Variants in NCALD observed in about 807,000 individuals in gnomAD.
NCALD encodes neurocalcin-delta.
In NCALD, 10 loss-of-function variants were observed where a neutral mutation model predicts 18.6. That is an observed-to-expected ratio of 0.54 (90% confidence interval 0.33 to 0.91). NCALD has a LOEUF of 0.91. Among genes scored for constraint, NCALD ranks in the 40% least tolerant of loss-of-function variants. The pLI, the probability that NCALD is intolerant of heterozygous loss-of-function variation, is 0.03. For missense variants in NCALD, 184 were observed against 247.6 expected, an observed-to-expected ratio of 0.74 and a Z score of 1.72; for synonymous variants, 88 against 87.4, an observed-to-expected ratio of 1.01 and a Z score of -0.04.
At chr8:101,815,681 T>C (rs1813469597) in intron 4 of NCALD, among the ~76,000 whole-genome samples, 1 of 152,110 alleles carries the variant, frequency 6.6e-6, no homozygotes, top group Admixed American at 6.6e-5. Context: ...CAACAGAAAC[T>C]CTCATTCACT....
At chr8:102,016,273 G>C (rs1216525955) in intron 2 of NCALD, among the ~76,000 whole-genome samples, 1 of 152,130 alleles carries the variant, frequency 6.6e-6, no homozygotes, top group Non-Finnish European at 1.5e-5. Flanking sequence ...ACAAGGCAAA[G>C]GTTGGCTGCC....
At chr8:101,824,612 C>T (rs1813856525) in intron 4 of NCALD, among the ~76,000 whole-genome samples, 1 of 151,988 alleles carries the variant, frequency 6.6e-6, no homozygotes, top group Admixed American at 6.6e-5. Flanking sequence ...AATTGAGTGA[C>T]TACTATTTTT....
intron 4 of NCALD, among the ~76,000 whole-genome samples, chr8:101,801,412 T>A (rs1441170908): frequency 6.7e-6 from 1 of 149,126 alleles, no homozygotes; most frequent in East Asian, 1.9e-4. Flanking sequence ...AAAATACACA[T>A]TTTTTTTTCA....
chr8:102,023,903 C>G (rs1467835012), intron 1 of NCALD, among the ~76,000 whole-genome samples: 2 of 152,126 alleles, frequency 1.3e-5, no homozygotes, highest in Non-Finnish European at 2.9e-5. Flanking sequence ...CTCAAGAATG[C>G]CCCAACCATA....
chr8:102,064,756 C>T (rs1823950518), intron 1 of NCALD, among the ~76,000 whole-genome samples: 1 of 152,030 alleles, frequency 6.6e-6, no homozygotes, highest in African/African-American at 2.4e-5. Context: ...AATCACATAC[C>T]ACACAGGAAT....
intron 1 of NCALD, among the ~76,000 whole-genome samples, chr8:102,078,350 C>T (rs1013535070): frequency 6.6e-6 from 1 of 152,148 alleles, no homozygotes; most frequent in African/African-American, 2.4e-5. Context: ...CCTACTCTTG[C>T]CCCTCTACAT....
intron 4 of NCALD, among the ~76,000 whole-genome samples, chr8:101,857,719 A>G (rs184467552): frequency 6.6e-6 from 1 of 152,330 alleles, no homozygotes; most frequent in East Asian, 1.9e-4. Flanking sequence ...TTCAGCATCA[A>G]TGATTAATTC....
chr8:101,940,918 C>T (rs1286288356), intron 2 of NCALD, among the ~76,000 whole-genome samples: 1 of 152,066 alleles, frequency 6.6e-6, no homozygotes. Flanking sequence ...AACCCACCGT[C>T]AAAGCTATAA....
intron 4 of NCALD, among the ~76,000 whole-genome samples, chr8:101,837,470 G>A (rs1275976808): frequency 1.3e-5 from 2 of 152,088 alleles, no homozygotes; most frequent in East Asian, 1.9e-4. Flanking sequence ...TAAGCAAAAC[G>A]TGTTTCCAGA....
Position 101,787,466 on chromosome 8 carries a change from CAGTG to C in NCALD, c.-20+3392_-20+3395del, listed in dbSNP as rs139944714. On this transcript the variant is annotated intron_variant, in intron 1 of 3. Transcript: ENST00000220931. ...TAGCTCCCATTCTCTTACGCGGAGA[CAGTG>C]GGTGTTGATGTCATAGAAAGGATGA... 7.5e-3 allele frequency among the ~76,000 whole-genome samples: 1,147 copies of C among 152,250 alleles called. 8 individuals carry two copies. Among genetic ancestry groups the C allele is most frequent in the Middle Eastern group, 0.041 (12 of 294 alleles).
chr8:101,701,354 T>C (rs769732913), intron 2 of NCALD, among the ~76,000 whole-genome samples: 4 of 152,188 alleles, frequency 2.6e-5, no homozygotes, highest in Admixed American at 2.0e-4. Context: ...ACTTTATTTT[T>C]AGCAATGTCA....
chr8:101,957,815 G>A (rs1819693118), intron 2 of NCALD, among the ~76,000 whole-genome samples: 1 of 152,140 alleles, frequency 6.6e-6, no homozygotes, highest in African/African-American at 2.4e-5. Flanking sequence ...AGAAAAACTG[G>A]GAGATTTCAG....
At chr8:101,809,553 A>G (rs528911261) in intron 4 of NCALD, among the ~76,000 whole-genome samples, 74 of 152,102 alleles carry the variant, frequency 4.9e-4, no homozygotes, top group Non-Finnish European at 8.7e-4. Context: ...TTTAATTTCT[A>G]TTTATTTATT....
At chr8:101,965,368 T>G (rs1049312093) in intron 2 of NCALD, among the ~76,000 whole-genome samples, 1 of 152,176 alleles carries the variant, frequency 6.6e-6, no homozygotes, top group African/African-American at 2.4e-5. Flanking sequence ...CCAACCCAAA[T>G]GCCCATCACT....
At chr8:101,866,048 C>G (rs1815757734) in intron 4 of NCALD, among the ~76,000 whole-genome samples, 2 of 152,108 alleles carry the variant, frequency 1.3e-5, no homozygotes, top group Admixed American at 1.3e-4. Flanking sequence ...GATAGCCAGG[C>G]TAGAGTTGTT....
rs769845791 is a variant in NCALD, at chr8:102,119,681, A to G, written c.-210+4556T>C. On this transcript the variant is annotated intron_variant, in intron 1 of 6. Coordinates refer to the NCALD transcript ENST00000311028. ...GGGCTGCCTCAGGAAACAAAATGCA[A>G]GACCACCATCCCCAGGAAGGGAACT... Among the ~76,000 whole-genome samples the G allele has an allele frequency of 3.9e-5, 6 of 152,246 alleles. 1 individual carries two copies. The highest frequency in any genetic ancestry group is 2.0e-4 in the Admixed American group (3 of 15,290).
In NCALD at chr8:101,982,656, T is replaced by C. The variant is rs563380979; in HGVS notation, c.-157+37581A>G. Among the ~76,000 whole-genome samples, 6 of 152,106 alleles carry C rather than the reference T, an allele frequency of 3.9e-5. No homozygotes were observed. The East Asian group carries it at 9.7e-4, about 25-fold the overall frequency. On this transcript the variant is annotated intron_variant, in intron 2 of 6. Coordinates refer to the NCALD transcript ENST00000311028. Reference sequence around the variant, plus strand: ...GAGATCGAGACGATCCTGGCTAACATGGTGAAACTCCGTCTCCACCAAAAA... The same window carrying C: ...GAGATCGAGACGATCCTGGCTAACACGGTGAAACTCCGTCTCCACCAAAAA...
intron 4 of NCALD, among the ~76,000 whole-genome samples, chr8:101,881,035 A>G (rs1816475482): frequency 6.6e-6 from 1 of 152,212 alleles, no homozygotes. Context: ...CTATTTTACA[A>G]ATAATATTGG....
chr8:101,921,555 T>A (rs995806040), intron 2 of NCALD, among the ~76,000 whole-genome samples: 2 of 152,108 alleles, frequency 1.3e-5, no homozygotes, highest in African/African-American at 2.4e-5. Flanking sequence ...TAATGGAGAA[T>A]TGAATACTGT....
Sources: gnomAD v4.1 joint callset for allele counts (sites outside exome capture counted in the v4.1 genomes callset) on GRCh38, gnomAD v4.1.1 for gene constraint, MANE v1.5 for transcripts, NCBI Gene and HGNC (gene_info 2026-07-23, HGNC 2026-07-21) for gene names.